Variants in SLC4A10 observed in about 807,000 individuals in gnomAD.
The protein encoded by SLC4A10 is sodium-driven chloride bicarbonate exchanger.
SLC4A10 carries 42 observed loss-of-function variants against 137.7 expected under a neutral mutation model. That is an observed-to-expected ratio of 0.30 (90% confidence interval 0.24 to 0.39). SLC4A10 has a LOEUF of 0.39. SLC4A10 is among the 10% of genes least tolerant of loss of function. The probability of loss-of-function intolerance (pLI) is 1.00; values close to 1 mark genes in which losing one functional copy is unlikely to be tolerated. For missense variants in SLC4A10, 925 were observed against 1,355.0 expected, an observed-to-expected ratio of 0.68 and a Z score of 4.98; for synonymous variants, 474 against 464.1, an observed-to-expected ratio of 1.02 and a Z score of -0.27.
chr2:161,737,260 G>A (rs373118418), intron 1 of SLC4A10, among the ~76,000 whole-genome samples: 1 of 152,150 alleles, frequency 6.6e-6, no homozygotes, highest in Non-Finnish European at 1.5e-5. Flanking sequence ...TTTAATAGGT[G>A]GTCTTTTTAA....
In SLC4A10 at chr2:161,976,558, A is replaced by G. The variant is rs190016600; in HGVS notation, c.3228-202A>G. Reference sequence around the variant, plus strand: ...GTGGTGATGGTTGCACAACATTATGAATGTATTTAGTAACCCTGAACTGTA... The same window carrying G: ...GTGGTGATGGTTGCACAACATTATGGATGTATTTAGTAACCCTGAACTGTA... On this transcript the variant is annotated intron_variant, in intron 24 of 26. Transcript: ENST00000446997. Among the ~76,000 whole-genome samples, 66 of 152,318 alleles carry G rather than the reference A, an allele frequency of 4.3e-4. No homozygotes were observed. In the East Asian group the frequency reaches 0.012, roughly 28 times the overall value.
intron 8 of SLC4A10, among the ~76,000 whole-genome samples, chr2:161,877,242 A>C (rs1037307762): frequency 6.6e-6 from 1 of 152,128 alleles, no homozygotes; most frequent in African/African-American, 2.4e-5. Flanking sequence ...AGAATTTTCA[A>C]GGTGGAATTT....
At chr2:161,771,737 G>C (rs1212936787) in intron 2 of SLC4A10, among the ~76,000 whole-genome samples, 1 of 151,874 alleles carries the variant, frequency 6.6e-6, no homozygotes, top group Admixed American at 6.6e-5. Flanking sequence ...CCAAAGAGTT[G>C]TGTAAATACT....
chr2:161,656,721 C>G (rs994528243), intron 1 of SLC4A10, among the ~76,000 whole-genome samples: 1 of 152,124 alleles, frequency 6.6e-6, no homozygotes, highest in Non-Finnish European at 1.5e-5. Flanking sequence ...CATTGACTAG[C>G]ATTCAAGCCA....
At chr2:161,911,664 A>T (rs142051236) in intron 15 of SLC4A10, among the ~76,000 whole-genome samples, 3 of 152,116 alleles carry the variant, frequency 2.0e-5, no homozygotes, top group Admixed American at 2.0e-4. Flanking sequence ...CACTAGATTA[A>T]TCTTCATAAT....
At chr2:161,958,612 G>A (rs1389676439) in intron 21 of SLC4A10, 57 bp downstream of exon 21, 9 of 1,294,634 alleles carry the variant, frequency 7.0e-6, no homozygotes, top group Non-Finnish European at 9.8e-6. Flanking sequence ...AAGGTCTACT[G>A]ATAAGTCATG....
At chr2:161,739,238 A>G (rs1261827963) in intron 1 of SLC4A10, among the ~76,000 whole-genome samples, 1 of 152,162 alleles carries the variant, frequency 6.6e-6, no homozygotes, top group African/African-American at 2.4e-5. Flanking sequence ...TATCCAGATT[A>G]ACCAGAAAAA....
intron 1 of SLC4A10, among the ~76,000 whole-genome samples, chr2:161,755,378 A>G (rs1280509038): frequency 2.0e-5 from 3 of 152,212 alleles, no homozygotes; most frequent in African/African-American, 7.2e-5. Flanking sequence ...AGGGGAGAAG[A>G]AATAGAAGCT....
intron 16 of SLC4A10, among the ~76,000 whole-genome samples, chr2:161,946,582 G>A (rs1323565564): frequency 1.3e-5 from 2 of 151,990 alleles, no homozygotes; most frequent in African/African-American, 2.4e-5. Flanking sequence ...TTCCTGTTTT[G>A]AAATGTAAAA....
chr2:161,756,978 C>T (rs963423706), intron 1 of SLC4A10, among the ~76,000 whole-genome samples: 2 of 152,102 alleles, frequency 1.3e-5, no homozygotes, highest in African/African-American at 2.4e-5. Context: ...AGAAAAAAAT[C>T]GCTAAGCTTT....
At chr2:161,639,347 C>A (rs1175805978) in intron 1 of SLC4A10, among the ~76,000 whole-genome samples, 1 of 152,036 alleles carries the variant, frequency 6.6e-6, no homozygotes, top group Non-Finnish European at 1.5e-5. Context: ...AGACCAATAT[C>A]CCTGATGAAC....
chr2:161,930,280 G>A (rs541677359), intron 15 of SLC4A10, among the ~76,000 whole-genome samples: 1 of 152,186 alleles, frequency 6.6e-6, no homozygotes, highest in East Asian at 1.9e-4. Context: ...TTGAGCTTTA[G>A]TTTCTTCATT....
intron 6 of SLC4A10, among the ~76,000 whole-genome samples, chr2:161,868,555 A>G (rs1297364189): frequency 6.6e-6 from 1 of 150,792 alleles, no homozygotes; most frequent in Non-Finnish European, 1.5e-5. Context: ...AGACTCAAAG[A>G]AAAAAAAATG....
At chr2:161,741,404 T>C (rs1016289993) in intron 1 of SLC4A10, among the ~76,000 whole-genome samples, 1 of 152,144 alleles carries the variant, frequency 6.6e-6, no homozygotes, top group African/African-American at 2.4e-5. Flanking sequence ...ACTTTAGTCA[T>C]ACTCTACATT....
chr2:161,917,983 C>T (rs1045958290), intron 15 of SLC4A10, among the ~76,000 whole-genome samples: 1 of 152,050 alleles, frequency 6.6e-6, no homozygotes, highest in African/African-American at 2.4e-5. Context: ...TAAGGTAAAC[C>T]CCAAGACATC....
intron 3 of SLC4A10, among the ~76,000 whole-genome samples, chr2:161,811,016 G>A (rs1024915256): frequency 3.3e-5 from 5 of 151,832 alleles, no homozygotes; most frequent in African/African-American, 4.8e-5. Flanking sequence ...TGGTTGGTAG[G>A]TTTTTTTAAA....
intron 3 of SLC4A10, among the ~76,000 whole-genome samples, chr2:161,827,600 G>C (rs542002056): frequency 6.7e-6 from 1 of 149,292 alleles, no homozygotes; most frequent in South Asian, 2.1e-4. Context: ...GTCTCGCTCT[G>C]TCAACCAGGC....
intron 1 of SLC4A10, among the ~76,000 whole-genome samples, chr2:161,698,393 A>G (rs1375831880): frequency 6.6e-6 from 1 of 152,206 alleles, no homozygotes; most frequent in East Asian, 1.9e-4. Context: ...CCAGTTTTCA[A>G]AGGGAATGCT....
intron 1 of SLC4A10, among the ~76,000 whole-genome samples, chr2:161,768,562 A>G (rs941547785): frequency 1.3e-5 from 2 of 151,972 alleles, no homozygotes; most frequent in African/African-American, 2.4e-5. Context: ...GGACATTTAT[A>G]GAAAGACCAT....
Sources: gnomAD v4.1 joint callset for allele counts (sites outside exome capture counted in the v4.1 genomes callset) on GRCh38, gnomAD v4.1.1 for gene constraint, MANE v1.5 for transcripts, NCBI Gene and HGNC (gene_info 2026-07-23, HGNC 2026-07-21) for gene names.